Variants in GAB2 observed in about 807,000 individuals in gnomAD.
The protein encoded by GAB2 is GRB2 associated binding protein 2.
Under a neutral mutation model 65.5 loss-of-function variants are expected in GAB2, and 26 were observed. The observed-to-expected ratio is 0.40, with a 90% CI of 0.29 to 0.55. The LOEUF (loss-of-function observed/expected upper bound fraction) is 0.55, where lower values mean the gene tolerates loss of function less well. Among genes scored for constraint, GAB2 ranks in the 20% least tolerant of loss-of-function variants. The pLI is 0.53. For synonymous variants in GAB2, 321 were observed against 329.6 expected, an observed-to-expected ratio of 0.97 and a Z score of 0.28; for missense variants, 884 against 875.8, an observed-to-expected ratio of 1.01 and a Z score of -0.12.
At chr11:78,323,268 G>C (rs1009304258) in intron 1 of GAB2, among the ~76,000 whole-genome samples, 11 of 152,260 alleles carry the variant, frequency 7.2e-5, no homozygotes, top group African/African-American at 2.4e-4. Flanking sequence ...CCTGCACTTT[G>C]GGAGACTGAG....
chr11:78,369,818 A>G (rs1399106412), intron 1 of GAB2, among the ~76,000 whole-genome samples: 2 of 152,218 alleles, frequency 1.3e-5, no homozygotes, highest in African/African-American at 2.4e-5. Flanking sequence ...GCTGAGCTTC[A>G]TGAGCGCCCC....
intron 2 of GAB2, among the ~76,000 whole-genome samples, chr11:78,258,023 G>A (rs1224449404): frequency 6.6e-6 from 1 of 151,980 alleles, no homozygotes; most frequent in Non-Finnish European, 1.5e-5. Context: ...TATGAGGATG[G>A]GGGTCCAGGC....
chr11:78,296,215 A>C (rs1866820158), intron 1 of GAB2, among the ~76,000 whole-genome samples: 1 of 152,220 alleles, frequency 6.6e-6, no homozygotes. Context: ...AGTTCCTAAC[A>C]GGCCAGACTG....
At chr11:78,267,005 G>A (rs548823321) in intron 2 of GAB2, among the ~76,000 whole-genome samples, 3 of 152,300 alleles carry the variant, frequency 2.0e-5, no homozygotes, top group South Asian at 4.1e-4. Context: ...TGCAGGCAGA[G>A]AGACCACATG....
chr11:78,402,960 A>G (rs1005498264), intron 1 of GAB2, among the ~76,000 whole-genome samples: 3 of 152,158 alleles, frequency 2.0e-5, no homozygotes, highest in Non-Finnish European at 4.4e-5. Flanking sequence ...AATTAGAGAC[A>G]TTATAATTAG....
intron 6 of GAB2, among the ~76,000 whole-genome samples, chr11:78,222,977 G>A (rs1864504474): frequency 6.6e-6 from 1 of 152,194 alleles, no homozygotes; most frequent in Non-Finnish European, 1.5e-5. Context: ...GTGGAGGAAG[G>A]TAGATGCCAT....
At chr11:78,235,070 C>G (rs1037923308) in intron 3 of GAB2, among the ~76,000 whole-genome samples, 31 of 152,128 alleles carry the variant, frequency 2.0e-4, no homozygotes, top group African/African-American at 6.5e-4. Context: ...AGACATTTTC[C>G]CCATGGTCTT....
intron 1 of GAB2, among the ~76,000 whole-genome samples, chr11:78,417,199 C>G (rs1387930685): frequency 2.3e-4 from 35 of 152,174 alleles, no homozygotes; most frequent in African/African-American, 8.2e-4. Flanking sequence ...GGGCGTGAGG[C>G]GCTCGCCCTT....
chr11:78,415,306 G>A (rs1363260966), intron 1 of GAB2, among the ~76,000 whole-genome samples: 2 of 152,212 alleles, frequency 1.3e-5, no homozygotes, highest in African/African-American at 4.8e-5. Flanking sequence ...ACACGCCTAT[G>A]ATGTATACCA....
intron 2 of GAB2, chr11:78,280,360 G>T (rs1866299054): frequency 1.9e-6 from 1 of 539,362 alleles, no homozygotes; most frequent in Non-Finnish European, 3.3e-6. Context: ...GGCACCTAAG[G>T]AAACACCACA....
intron 1 of GAB2, among the ~76,000 whole-genome samples, chr11:78,404,174 CCAACAT>C (rs1309996365): frequency 4.6e-5 from 7 of 152,166 alleles, no homozygotes; most frequent in African/African-American, 1.7e-4. Flanking sequence ...ATTATAGTAG[CCAACAT>C]GCAGAATCAA....
chr11:78,281,145 AG>A (rs1436170590), intron 1 of GAB2, among the ~76,000 whole-genome samples: 1 of 152,040 alleles, frequency 6.6e-6, no homozygotes, highest in East Asian at 1.9e-4. Flanking sequence ...TGTAGAGACA[AG>A]GTCTTGCTAT....
chr11:78,233,857 G>T (rs909225388), intron 3 of GAB2, among the ~76,000 whole-genome samples: 1 of 152,134 alleles, frequency 6.6e-6, no homozygotes, highest in Non-Finnish European at 1.5e-5. Context: ...CAAGTTATCT[G>T]CCTGCTGCCT....
In GAB2 at chr11:78,217,965, G is replaced by A. The variant is rs1323630520; in HGVS notation, c.*1307C>T. 1 of 152,788 alleles carries A rather than the reference G, an allele frequency of 6.5e-6. No homozygotes were observed. Among genetic ancestry groups the A allele is most frequent in the Admixed American group, 6.5e-5 (1 of 15,282 alleles). 9.5% of individuals were successfully genotyped at this position (152,788 alleles called of 1,614,324 possible). A position where few individuals can be genotyped will look rare whatever the true frequency, so the allele number is the denominator to read the frequency against. ...TGCCTGACCCACTGTCCCATCCTAG[G>A]AACGGTCCTCATGTCACACCACCAT... On this transcript the variant is annotated 3_prime_UTR_variant, in exon 10 of 10. Coordinates refer to ENST00000361507, the MANE Select transcript of GAB2 (RefSeq NM_080491.3).
In GAB2 at chr11:78,215,894, T is replaced by C. The variant is rs899227412; in HGVS notation, c.*3378A>G. On this transcript the variant is annotated 3_prime_UTR_variant, in exon 10 of 10. Coordinates refer to ENST00000361507, the MANE Select transcript of GAB2 (RefSeq NM_080491.3). ...GGGGTGCTGGGCCGAGATGTCCCCA[T>C]GGGAGAAGGGGCCAGAGGGAGGATG... The C allele has an allele frequency of 6.6e-5, 10 of 152,658 alleles. No homozygotes were observed. Among genetic ancestry groups the C allele is most frequent in the African/African-American group, 2.4e-4 (10 of 41,440 alleles). The allele number at this position is 152,658 out of a possible 1,614,324, so 9.5% of individuals were successfully genotyped here.
At position 78,292,124 on chromosome 11, in the gene GAB2, C is replaced by T. The variant is rs149003591; in HGVS notation, c.76-11223G>A. ...ACAACTGTTATGTTCTTCATATACC[C>T]GCCTAACAGGTTTAAATTATAGGTA... On this transcript the variant is annotated intron_variant, in intron 1 of 9. Coordinates refer to ENST00000361507, the MANE Select transcript of GAB2 (RefSeq NM_080491.3). Among the ~76,000 whole-genome samples the T allele has an allele frequency of 2.2e-3, 333 of 152,178 alleles. 1 individual carries two copies. The highest frequency in any genetic ancestry group is 7.3e-3 in the African/African-American group (305 of 41,526).
Position 78,215,778 on chromosome 11 carries a change from G to A in GAB2, c.*3494C>T, listed in dbSNP as rs111642945. 0.024 allele frequency: 3,571 copies of A among 151,846 alleles called. 65 individuals carry two copies. Among genetic ancestry groups the A allele is most frequent in the Middle Eastern group, 0.095 (28 of 294 alleles). The allele number at this position is 151,846 out of a possible 1,614,324, so 9.4% of individuals were successfully genotyped here. ...TAGTCCCAGAAAGACGACCCCCCAC[G>A]GAAGGGCTTTAGCGCTCCTGAGACC... On this transcript the variant is annotated 3_prime_UTR_variant, in exon 10 of 10. Coordinates refer to ENST00000361507, the MANE Select transcript of GAB2 (RefSeq NM_080491.3).
intron 1 of GAB2, among the ~76,000 whole-genome samples, chr11:78,300,515 A>T (rs1369799717): frequency 1.2e-5 from 1 of 82,634 alleles, no homozygotes; most frequent in Non-Finnish European, 2.1e-5. Context: ...GTTTAATTTT[A>T]TAAAAAAACA....
chr11:78,306,732 G>A (rs771201066), intron 1 of GAB2, among the ~76,000 whole-genome samples: 3 of 152,198 alleles, frequency 2.0e-5, no homozygotes, highest in Non-Finnish European at 1.5e-5. Context: ...TGTACAGACA[G>A]TGGAAAATAA....
Sources: gnomAD v4.1 joint callset for allele counts (sites outside exome capture counted in the v4.1 genomes callset) on GRCh38, gnomAD v4.1.1 for gene constraint, MANE v1.5 for transcripts, NCBI Gene and HGNC (gene_info 2026-07-23, HGNC 2026-07-21) for gene names.